Variants in PSMD4 observed in about 807,000 individuals in gnomAD.
The protein encoded by PSMD4 is 26S proteasome non-ATPase regulatory subunit 4.
Under a neutral mutation model 39.7 loss-of-function variants are expected in PSMD4, and 5 were observed. The ratio of observed to expected loss-of-function variants is 0.13; its 90% confidence interval spans 0.07 to 0.26. The LOEUF (loss-of-function observed/expected upper bound fraction) is 0.26, where lower values mean the gene tolerates loss of function less well. Ranked by LOEUF, PSMD4 falls within the 10% of genes least tolerant of loss-of-function variation. The pLI, the probability that PSMD4 is intolerant of heterozygous loss-of-function variation, is 1.00. For missense variants in PSMD4, 272 were observed against 486.1 expected (o/e 0.56, Z 4.14); for synonymous variants, 143 against 174.6 (o/e 0.82, Z 1.43).
rs770584632 is a variant in PSMD4, at chr1:151,267,308, G to A, written c.1099G>A (p.Gly367Ser). ...CCTGGCCTCCCAGGCCACCAAGGAC[G>A]GCAAGAAGGACAAGAAGGAGGAAGA... Reference protein sequence around the residue: ...GSLASQATKDGKKDKKEEDKK With the variant: ...GSLASQATKDSKKDKKEEDKK Residue 367 changes from glycine to serine, a missense_variant, in exon 10 of 10, where the codon GGC becomes AGC. Physicochemically the swap from Gly to Ser is moderately conservative, Grantham distance 56. Transcript: ENST00000368884. 1.4e-5 allele frequency: 22 copies of A among 1,613,914 alleles called. No homozygotes were observed. In the South Asian group the frequency reaches 1.5e-4, roughly 11 times the overall value.
intron 1 of PSMD4, among the ~76,000 whole-genome samples, chr1:151,257,715 C>CTTTTTTTTT (rs71090149): frequency 0.012 from 1,043 of 88,554 alleles, no homozygotes; most frequent in African/African-American, 0.016. Flanking sequence ...ACCTGGCTTT[C>CTTTTTTTTT]TTTTTTTTTT....
chr1:151,266,749 C>A, intron 9 of PSMD4, 162 bp downstream of exon 9: 2 of 923,496 alleles, frequency 2.2e-6, no homozygotes, highest in East Asian at 5.3e-5. Context: ...GGTAGCAATG[C>A]TAATGGTCAG....
At chr1:151,264,410 C>T (rs753123721) in intron 3 of PSMD4, among the ~76,000 whole-genome samples, 4 of 151,152 alleles carry the variant, frequency 2.6e-5, no homozygotes, top group Non-Finnish European at 5.9e-5. Flanking sequence ...GAGGCTAACA[C>T]GGGCAGATCA....
At chr1:151,258,226 T>C (rs1268757477) in intron 1 of PSMD4, among the ~76,000 whole-genome samples, 7 of 151,748 alleles carry the variant, frequency 4.6e-5, no homozygotes, top group Admixed American at 4.6e-4. Context: ...TGAGGTTTCA[T>C]CATATTGGTC....
At chr1:151,265,311 G>A in intron 5 of PSMD4, 77 bp downstream of exon 5, 1 of 1,592,776 alleles carries the variant, frequency 6.3e-7, no homozygotes, top group Non-Finnish European at 8.6e-7. Flanking sequence ...AGGAGTGCGG[G>A]TACTGTGGCA....
At chr1:151,265,122 C>T (rs988501582) in intron 4 of PSMD4, 44 bp from the exon 5 acceptor site, 9 of 1,538,358 alleles carry the variant, frequency 5.9e-6, no homozygotes, top group Middle Eastern at 1.7e-4. Flanking sequence ...TTCCCCCCCT[C>T]GAGTATGGAA....
In PSMD4 at chr1:151,267,456, C is replaced by CT. The variant is rs941546440; in HGVS notation, c.*120dup. Reference sequence around the variant, plus strand: ...TTACAGCCTAAATAAAGCTTGGCAACTTTTTTTCCTTTTTTGCTTCAAATA... The same window carrying CT: ...TTACAGCCTAAATAAAGCTTGGCAACTTTTTTTTCCTTTTTTGCTTCAAATA... On this transcript the variant is annotated 3_prime_UTR_variant, in exon 10 of 10. Coordinates refer to ENST00000368884, the MANE Select transcript of PSMD4 (RefSeq NM_002810.4). 1.6e-6 allele frequency: 2 copies of CT among 1,230,266 alleles called. No homozygotes were observed. The highest frequency in any genetic ancestry group is 2.7e-5 in the Admixed American group (1 of 37,294). The allele number at this position is 1,230,266 out of a possible 1,614,324, so 76.2% of individuals were successfully genotyped here.
intron 9 of PSMD4, 126 bp downstream of exon 9, chr1:151,266,713 C>T (rs1693457603): frequency 1.8e-6 from 2 of 1,128,886 alleles, no homozygotes; most frequent in Non-Finnish European, 1.3e-6. Flanking sequence ...CATGGATTTG[C>T]ATTTCTTACA....
chr1:151,263,034 G>C (rs1693347724), intron 2 of PSMD4: 1 of 152,194 alleles, frequency 6.6e-6, no homozygotes, highest in Non-Finnish European at 1.5e-5. Context: ...TCGTTATTTT[G>C]GTGGATTCTC....
rs375634881 is a variant in PSMD4 at position 151,262,212 on chromosome 1, G to A, written c.78G>A (p.Leu26=). The A allele has an allele frequency of 7.5e-5, 121 of 1,614,074 alleles. No homozygotes were observed. The highest frequency in any genetic ancestry group is 1.0e-4 in the Non-Finnish European group (118 of 1,180,026). The change falls in exon 2 of 10, where the codon CTG becomes CTA. Residue 26 remains leucine, a synonymous_variant. Coordinates refer to ENST00000368884, the MANE Select transcript of PSMD4 (RefSeq NM_002810.4). The stretch of plus-strand genomic sequence containing the variant: ...ATGGAGACTTCTTACCCACCAGGCT[G>A]CAGGCCCAGCAGGATGCTGTCAACA... ...MRNGDFLPTR[L]QAQQDAVNIV...
chr1:151,266,923 T>A (rs1693461853), intron 9 of PSMD4: 1 of 707,590 alleles, frequency 1.4e-6, no homozygotes, highest in Admixed American at 2.0e-5. Context: ...TGTGATGGCA[T>A]CTGTTTTTCT....
rs778141737 is a variant in PSMD4, at chr1:151,261,478, G to T, written c.27-683G>T. Among the ~76,000 whole-genome samples, 9 of 152,064 alleles carry T rather than the reference G, an allele frequency of 5.9e-5. No individual in the cohort carries two copies. The South Asian group carries it at 1.7e-3, about 28-fold the overall frequency. ...ACATGAGCCACCGCGCCCAGCTATA[G>T]ATATTTTTAAGTTACCTTCTTCATT... is the stretch of plus-strand genomic sequence containing the variant. On this transcript the variant is annotated intron_variant, in intron 1 of 9. Transcript: ENST00000368884.
At chr1:151,262,087 C>T in intron 1 of PSMD4, 74 bp from the exon 2 acceptor site, 1 of 1,556,668 alleles carries the variant, frequency 6.4e-7, no homozygotes, top group South Asian at 1.1e-5. Context: ...TATAGGGGGC[C>T]TCTGGAACTG....
chr1:151,265,037 G>A (rs1693397366), intron 4 of PSMD4, 119 bp downstream of exon 4: 1 of 1,302,242 alleles, frequency 7.7e-7, no homozygotes, highest in Admixed American at 2.0e-5. Flanking sequence ...AGGTGAATGT[G>A]GAGAATTCAG....
intron 2 of PSMD4, among the ~76,000 whole-genome samples, chr1:151,263,082 T>G (rs2101838879): frequency 6.6e-6 from 1 of 152,082 alleles, no homozygotes; most frequent in East Asian, 1.9e-4. Context: ...TAGGGGAAAA[T>G]ATTTGGAAGT....
At chr1:151,258,448 A>AAT (rs1693232191) in intron 1 of PSMD4, among the ~76,000 whole-genome samples, 1 of 100,966 alleles carries the variant, frequency 9.9e-6, no homozygotes, top group South Asian at 3.5e-4. Context: ...ACCCTTTTCG[A>AAT]GTGTTTTTTT....
At chr1:151,263,167 A>C (rs587639107) in intron 2 of PSMD4, among the ~76,000 whole-genome samples, 2 of 152,264 alleles carry the variant, frequency 1.3e-5, no homozygotes, top group African/African-American at 4.8e-5. Context: ...TAGATGTTTG[A>C]TTGAGAAGAA....
At chr1:151,257,617 G>A (rs911446337) in intron 1 of PSMD4, among the ~76,000 whole-genome samples, 1 of 151,084 alleles carries the variant, frequency 6.6e-6, no homozygotes, top group African/African-American at 2.4e-5. Flanking sequence ...GTGTGATCTC[G>A]GCTCATTGCA....
At position 151,254,816 on chromosome 1, in the gene PSMD4, G is replaced by A. The variant is rs755736788; in HGVS notation, c.26+8G>A. On this transcript the variant is annotated splice_region_variant and intron_variant, in intron 1 of 9. Coordinates refer to ENST00000368884, the MANE Select transcript of PSMD4 (RefSeq NM_002810.4). ...GGAAAGCACTATGGTGTGGTGAGGA[G>A]CTACTTCGGGGCAGGAGGGGCAGAG... The A allele has an allele frequency of 1.3e-6, 2 of 1,522,060 alleles. No individual in the cohort carries two copies. Among genetic ancestry groups the A allele is most frequent in the Non-Finnish European group, 8.8e-7 (1 of 1,141,482 alleles). 94.3% of individuals were successfully genotyped at this position (1,522,060 alleles called of 1,614,324 possible).
Sources: gnomAD v4.1 joint callset for allele counts (sites outside exome capture counted in the v4.1 genomes callset) on GRCh38, gnomAD v4.1.1 for gene constraint, MANE v1.5 for transcripts, NCBI Gene and HGNC (gene_info 2026-07-23, HGNC 2026-07-21) for gene names.